The following HLCS variants were observed in gnomAD, a reference collection of about 807,000 sequenced individuals.
HLCS encodes holocarboxylase synthetase.
HLCS carries 53 observed loss-of-function variants against 75.0 expected under a neutral mutation model. The ratio of observed to expected loss-of-function variants is 0.71; its 90% confidence interval spans 0.57 to 0.89. HLCS has a LOEUF of 0.89. Ranked by LOEUF, HLCS falls within the 40% of genes least tolerant of loss-of-function variation. The pLI is 0.00. For missense variants in HLCS, 966 were observed against 1,074.0 expected (o/e 0.90, Z 1.41); for synonymous variants, 431 against 428.6 (o/e 1.01, Z -0.07).
intron 1 of HLCS, among the ~76,000 whole-genome samples, chr21:36,965,667 T>C (rs1431649572): frequency 6.6e-6 from 1 of 152,094 alleles, no homozygotes; most frequent in African/African-American, 2.4e-5. Flanking sequence ...AAAAGGGCAG[T>C]TTTTGTAAAT....
At chr21:36,949,975 G>C (rs1464915757) in intron 2 of HLCS, among the ~76,000 whole-genome samples, 1 of 152,068 alleles carries the variant, frequency 6.6e-6, no homozygotes, top group Non-Finnish European at 1.5e-5. Flanking sequence ...ATCTGCACAA[G>C]TGACCCACCA....
At chr21:36,985,674 G>A (rs997950899) in intron 1 of HLCS, among the ~76,000 whole-genome samples, 4 of 152,104 alleles carry the variant, frequency 2.6e-5, no homozygotes, top group Non-Finnish European at 5.9e-5. Flanking sequence ...GCTGAGGCAG[G>A]AGAATCGCTT....
rs190706149 is a variant in HLCS, at chr21:36,792,929, T to C, written c.1893-25644A>G. On this transcript the variant is annotated intron_variant, in intron 6 of 10. Coordinates refer to ENST00000674895, the MANE Select transcript of HLCS (RefSeq NM_001352514.2). ...ACAGCAAAGATCTCAAAATGCTGTC[T>C]AGACCTTAACTCTGCCCATCACCCC... Among the ~76,000 whole-genome samples the C allele has an allele frequency of 3.3e-5, 5 of 152,310 alleles. No individual in the cohort carries two copies. In the East Asian group the frequency reaches 9.7e-4, roughly 29 times the overall value.
upstream of HLCS, among the ~76,000 whole-genome samples, chr21:36,968,368 GA>G (rs1223244662): frequency 2.0e-5 from 3 of 152,052 alleles, no homozygotes; most frequent in African/African-American, 7.3e-5. Flanking sequence ...CCCACTCCCA[GA>G]ACTTCAGACT....
At chr21:36,767,380 G>C (rs2090077675) in intron 6 of HLCS, 95 bp from the exon 7 acceptor site, 2 of 1,251,532 alleles carry the variant, frequency 1.6e-6, no homozygotes, top group African/African-American at 3.0e-5. Flanking sequence ...CATGCATCTG[G>C]GGGTGTGTGG....
At chr21:36,803,828 A>T (rs1354508283) in intron 6 of HLCS, among the ~76,000 whole-genome samples, 1 of 151,800 alleles carries the variant, frequency 6.6e-6, no homozygotes, top group African/African-American at 2.4e-5. Context: ...ACCAGGTAGA[A>T]TCGGGCAATT....
chr21:36,816,914 T>C (rs1445460904), intron 6 of HLCS, among the ~76,000 whole-genome samples: 2 of 152,188 alleles, frequency 1.3e-5, no homozygotes, highest in African/African-American at 4.8e-5. Context: ...GATGATATAC[T>C]AAGTACTTCA....
chr21:36,772,243 G>A (rs746814446), intron 6 of HLCS, among the ~76,000 whole-genome samples: 1 of 151,980 alleles, frequency 6.6e-6, no homozygotes, highest in Non-Finnish European at 1.5e-5. Context: ...TTACAATGAT[G>A]TAGATATATA....
chr21:36,896,432 A>G (rs772484366), intron 6 of HLCS: 2 of 227,972 alleles, frequency 8.8e-6, no homozygotes, highest in Non-Finnish European at 1.7e-5. Context: ...ACCTTTTTCA[A>G]TTTACACAGC....
At chr21:36,789,598 G>A (rs1331098689) in intron 6 of HLCS, among the ~76,000 whole-genome samples, 4 of 152,178 alleles carry the variant, frequency 2.6e-5, no homozygotes, top group African/African-American at 4.8e-5. Context: ...GGTTGGAAGT[G>A]TACAGGATAT....
At chr21:36,954,032 G>A (rs1042756549) in intron 2 of HLCS, among the ~76,000 whole-genome samples, 4 of 152,246 alleles carry the variant, frequency 2.6e-5, no homozygotes, top group African/African-American at 4.8e-5. Flanking sequence ...AAGGCCAGAC[G>A]CAGTGGCTGA....
intron 6 of HLCS, among the ~76,000 whole-genome samples, chr21:36,812,963 G>A (rs2061554517): frequency 6.6e-6 from 1 of 152,166 alleles, no homozygotes. Context: ...GGAAGCTGAG[G>A]TGGAAGGATT....
At chr21:36,946,721 G>A (rs2067415950) in intron 2 of HLCS, among the ~76,000 whole-genome samples, 1 of 151,876 alleles carries the variant, frequency 6.6e-6, no homozygotes, top group African/African-American at 2.4e-5. Context: ...TAGAATATTT[G>A]GACAAAGAGA....
intron 6 of HLCS, among the ~76,000 whole-genome samples, chr21:36,887,332 G>A (rs1418705476): frequency 6.6e-6 from 1 of 152,060 alleles, no homozygotes; most frequent in African/African-American, 2.4e-5. Context: ...ACACTGGGAC[G>A]GCTCAGTTCT....
chr21:36,785,993 T>G (rs1239201685), intron 6 of HLCS, among the ~76,000 whole-genome samples: 1 of 152,178 alleles, frequency 6.6e-6, no homozygotes, highest in Admixed American at 6.5e-5. Flanking sequence ...CCCTGAGAGC[T>G]GCAGGTATCG....
intron 1 of HLCS, chr21:36,973,710 G>A (rs1353721333): frequency 6.6e-6 from 1 of 152,284 alleles, no homozygotes; most frequent in African/African-American, 2.4e-5. Context: ...ACCAGACAAG[G>A]GAGGGCACTG....
intron 6 of HLCS, among the ~76,000 whole-genome samples, chr21:36,879,136 G>GAA (rs1423064582): frequency 5.2e-3 from 4 of 774 alleles, no homozygotes; most frequent in Non-Finnish European, 5.2e-3. Context: ...AAAATAATTG[G>GAA]AATATAACAT....
At chr21:36,959,454 G>C (rs1166719908) in intron 2 of HLCS, among the ~76,000 whole-genome samples, 1 of 152,218 alleles carries the variant, frequency 6.6e-6, no homozygotes, top group Admixed American at 6.5e-5. Context: ...CAACATGACT[G>C]ACAGCAGAAG....
At position 36,936,950 on chromosome 21, in the gene HLCS, G is replaced by A; in HGVS notation, c.936C>T (p.Leu312=). Residue 312 remains leucine, a synonymous_variant, in exon 4 of 11, where the codon CTC becomes CTT. Coordinates refer to ENST00000674895, the MANE Select transcript of HLCS (RefSeq NM_001352514.2). ...CCTGGGAGTCGGAGCCCACATAGAG[G>A]AGGATGTTGGGTGCCTTTCCCGTGA... ...VNLTGKAPNI[L]LYVGSDSQEA... is the part of the protein sequence containing the mutation. 1 of 1,614,170 alleles carries A rather than the reference G, an allele frequency of 6.2e-7. No homozygotes were observed. The highest frequency in any genetic ancestry group is 8.5e-7 in the Non-Finnish European group (1 of 1,180,026).
Sources: allele counts gnomAD v4.1 joint callset (sites outside exome capture counted in the v4.1 genomes callset), GRCh38; gene constraint gnomAD v4.1.1; transcripts MANE v1.5; gene names NCBI Gene and HGNC (gene_info 2026-07-23, HGNC 2026-07-21).